The following LUZP2 variants were observed in gnomAD, a reference collection of about 807,000 sequenced individuals.
LUZP2 encodes the protein leucine zipper protein 2.
In LUZP2, 52 loss-of-function variants were observed where a neutral mutation model predicts 51.6. The observed-to-expected ratio is 1.01, with a 90% CI of 0.81 to 1.27. The LOEUF is 1.27. Among genes scored for constraint, LUZP2 ranks in the 50% most tolerant of loss-of-function variants. The pLI is 0.00. For synonymous variants in LUZP2, 154 were observed against 137.3 expected (o/e 1.12, Z -0.85); for missense variants, 436 against 395.4 (o/e 1.10, Z -0.87).
chr11:24,998,100 C>G (rs558570122), intron 9 of LUZP2, among the ~76,000 whole-genome samples: 1 of 152,016 alleles, frequency 6.6e-6, no homozygotes, highest in South Asian at 2.1e-4. Flanking sequence ...CTTGGCGATG[C>G]GGGCTCTGTT....
intron 1 of LUZP2, among the ~76,000 whole-genome samples, chr11:24,703,562 C>G (rs1467957746): frequency 6.6e-6 from 1 of 152,114 alleles, no homozygotes; most frequent in East Asian, 1.9e-4. Flanking sequence ...CTGGCTCATG[C>G]CTGTAATCCC....
At chr11:24,812,881 A>G (rs1169727740) in intron 5 of LUZP2, among the ~76,000 whole-genome samples, 2 of 152,172 alleles carry the variant, frequency 1.3e-5, no homozygotes, top group East Asian at 1.9e-4. Context: ...AAAGATGCAC[A>G]TGGAATTCTT....
At chr11:24,799,780 G>A (rs754080950) in intron 5 of LUZP2, among the ~76,000 whole-genome samples, 1 of 151,970 alleles carries the variant, frequency 6.6e-6, no homozygotes, top group Non-Finnish European at 1.5e-5. Context: ...ATCAAATATG[G>A]GGAAATGATT....
At chr11:24,862,132 T>G (rs1404866961) in intron 5 of LUZP2, among the ~76,000 whole-genome samples, 1 of 152,236 alleles carries the variant, frequency 6.6e-6, no homozygotes. Context: ...GGAAAAGCTG[T>G]GAGGTCAGCC....
At chr11:24,997,878 TC>T (rs1292502898) in intron 9 of LUZP2, among the ~76,000 whole-genome samples, 1 of 152,206 alleles carries the variant, frequency 6.6e-6, no homozygotes, top group Non-Finnish European at 1.5e-5. Context: ...AAATAGGGAA[TC>T]CTTTCCCCAT....
At chr11:24,963,780 C>A (rs532593100) in intron 7 of LUZP2, among the ~76,000 whole-genome samples, 4 of 152,142 alleles carry the variant, frequency 2.6e-5, no homozygotes, top group Non-Finnish European at 2.9e-5. Flanking sequence ...CACTGACCTG[C>A]GCCCACTGTC....
chr11:24,690,784 G>C (rs755422966), intron 1 of LUZP2, among the ~76,000 whole-genome samples: 29 of 152,034 alleles, frequency 1.9e-4, no homozygotes, highest in Non-Finnish European at 3.8e-4. Flanking sequence ...GGAAGGTACA[G>C]GCTAGTAGAC....
intron 1 of LUZP2, among the ~76,000 whole-genome samples, chr11:24,540,649 G>A (rs1367096196): frequency 1.3e-5 from 2 of 152,092 alleles, no homozygotes; most frequent in East Asian, 1.9e-4. Context: ...GACTAATATA[G>A]CATGCCAACT....
chr11:24,955,168 A>T (rs1173515661), intron 7 of LUZP2, among the ~76,000 whole-genome samples: 2 of 152,158 alleles, frequency 1.3e-5, no homozygotes, highest in Admixed American at 1.3e-4. Flanking sequence ...TTGTTGTCTC[A>T]CTATTTGAAA....
chr11:24,963,609 C>T (rs985357933), intron 7 of LUZP2, among the ~76,000 whole-genome samples: 1 of 152,152 alleles, frequency 6.6e-6, no homozygotes, highest in African/African-American at 2.4e-5. Context: ...GTTTTTTAAG[C>T]CCGTCAGAAA....
intron 1 of LUZP2, among the ~76,000 whole-genome samples, chr11:24,697,019 C>T (rs763986303): frequency 1.3e-5 from 2 of 151,982 alleles, no homozygotes; most frequent in Non-Finnish European, 1.5e-5. Context: ...GTTACATAAA[C>T]TAGGAGAAAT....
intron 1 of LUZP2, among the ~76,000 whole-genome samples, chr11:24,602,206 G>GTGTATATA (rs1396447190): frequency 0.012 from 808 of 67,474 alleles, 26 homozygotes; most frequent in African/African-American, 0.04. Flanking sequence ...GTACATATAT[G>GTGTATATA]TGTATATATG....
At chr11:24,716,523 A>G (rs1724690518) in intron 1 of LUZP2, among the ~76,000 whole-genome samples, 1 of 152,170 alleles carries the variant, frequency 6.6e-6, no homozygotes, top group South Asian at 2.1e-4. Context: ...AATGAGGAGG[A>G]CAAGTCACAG....
chr11:24,826,209 A>ATATAT (rs1564948185), intron 5 of LUZP2, among the ~76,000 whole-genome samples: 1 of 141,826 alleles, frequency 7.1e-6, no homozygotes, highest in Non-Finnish European at 1.5e-5. Context: ...ATATATATAT[A>ATATAT]GTAAAAGTTA....
intron 1 of LUZP2, among the ~76,000 whole-genome samples, chr11:24,600,783 G>A (rs1176295868): frequency 6.6e-6 from 1 of 151,586 alleles, no homozygotes; most frequent in African/African-American, 2.4e-5. Context: ...TGTGCTCATG[G>A]TATGCATTTG....
intron 10 of LUZP2, among the ~76,000 whole-genome samples, chr11:25,057,042 G>A (rs1858709270): frequency 6.6e-6 from 1 of 152,152 alleles, no homozygotes; most frequent in African/African-American, 2.4e-5. Flanking sequence ...AGAGGTTGCA[G>A]TCAGCTGAGA....
chr11:24,520,872 A>C (rs1255542240), intron 1 of LUZP2, among the ~76,000 whole-genome samples: 2 of 152,210 alleles, frequency 1.3e-5, no homozygotes, highest in African/African-American at 4.8e-5. Flanking sequence ...AACCACCAAA[A>C]ACTCAACCAA....
chr11:25,055,211 A>G (rs1319361427), intron 10 of LUZP2, among the ~76,000 whole-genome samples: 4 of 151,728 alleles, frequency 2.6e-5, no homozygotes, highest in African/African-American at 7.3e-5. Context: ...GGCTTTCACC[A>G]TGCTGGCCAG....
chr11:24,962,009 C>T (rs1031678935), intron 7 of LUZP2, among the ~76,000 whole-genome samples: 1 of 151,756 alleles, frequency 6.6e-6, no homozygotes, highest in African/African-American at 2.4e-5. Context: ...ACTTATGAAG[C>T]TTAGTTTGGC....
Sources: gnomAD v4.1 joint callset for allele counts (sites outside exome capture counted in the v4.1 genomes callset) on GRCh38, gnomAD v4.1.1 for gene constraint, MANE v1.5 for transcripts, NCBI Gene and HGNC (gene_info 2026-07-23, HGNC 2026-07-21) for gene names.